Variants in MRE11 observed in about 807,000 individuals in gnomAD.
MRE11 encodes the protein double-strand break repair protein MRE11.
A neutral mutation model predicts 91.7 loss-of-function variants in MRE11; 62 were observed. The ratio of observed to expected loss-of-function variants is 0.68; its 90% CI spans 0.55 to 0.84. The LOEUF is 0.84. MRE11 is among the 40% of genes least tolerant of loss of function. The pLI is 0.00. For synonymous variants in MRE11, 273 were observed against 271.4 expected (o/e 1.01, Z -0.06); for missense variants, 796 against 852.9 (o/e 0.93, Z 0.83).
At chr11:94,466,815 A>C (rs1050389708) in intron 10 of MRE11, among the ~76,000 whole-genome samples, 11 of 152,124 alleles carry the variant, frequency 7.2e-5, no homozygotes, top group African/African-American at 2.7e-4. Flanking sequence ...GGCAACAACA[A>C]CACTGCTGGT....
intron 10 of MRE11, among the ~76,000 whole-genome samples, chr11:94,467,442 G>T (rs35971942): frequency 0.048 from 7,248 of 152,146 alleles, 433 homozygotes; most frequent in African/African-American, 0.14. Context: ...TGATAGGGCT[G>T]CAGTGAGGTG....
chr11:94,509,693 G>A, the MRE11 span, among the ~76,000 whole-genome samples: 2 of 152,164 alleles, frequency 1.3e-5, no homozygotes, highest in African/African-American at 4.8e-5. Context: ...ACTCGCCTCA[G>A]CCTCCCAAAG....
chr11:94,482,389 T>C (rs1947034102), intron 4 of MRE11, among the ~76,000 whole-genome samples: 1 of 152,168 alleles, frequency 6.6e-6, no homozygotes, highest in South Asian at 2.1e-4. Context: ...CTAAACTTTC[T>C]AGCAACTCAC....
At chr11:94,438,903 T>C (rs550486752) in intron 16 of MRE11, among the ~76,000 whole-genome samples, 82 of 152,292 alleles carry the variant, frequency 5.4e-4, no homozygotes, top group Non-Finnish European at 1.0e-3. Flanking sequence ...CATGTAGCTG[T>C]TTGGGTAGCA....
At chr11:94,440,524 G>C (rs1402955123) in intron 16 of MRE11, among the ~76,000 whole-genome samples, 1 of 152,138 alleles carries the variant, frequency 6.6e-6, no homozygotes, top group Non-Finnish European at 1.5e-5. Flanking sequence ...AACTCAGAGA[G>C]GTAAGCAGAG....
chr11:94,463,255 G>A (rs571620420), intron 11 of MRE11, among the ~76,000 whole-genome samples: 53 of 152,268 alleles, frequency 3.5e-4, no homozygotes, highest in African/African-American at 1.1e-3. Flanking sequence ...CAGTTAGAAT[G>A]GCGATCATTA....
intron 2 of MRE11, among the ~76,000 whole-genome samples, chr11:94,491,626 A>T (rs1947286143): frequency 6.6e-6 from 1 of 152,238 alleles, no homozygotes; most frequent in Admixed American, 6.5e-5. Flanking sequence ...ATAAAGAGTC[A>T]GGCATTATTA....
At chr11:94,466,086 A>C (rs928182413) in intron 10 of MRE11, among the ~76,000 whole-genome samples, 3 of 152,144 alleles carry the variant, frequency 2.0e-5, no homozygotes, top group African/African-American at 7.2e-5. Flanking sequence ...TAGAGAAAGG[A>C]GGAGAGAAGT....
rs864622589 is a variant in MRE11, at chr11:94,447,209, C to G, written c.1783+10G>C. ...GTGTGAATGTGCACAGGACTGAACT[C>G]AGTGCTCACCTCTTCCTCTTTGAGA... On this transcript the variant is annotated intron_variant, in intron 15 of 19. Coordinates refer to ENST00000323929, the MANE Select transcript of MRE11 (RefSeq NM_005591.4). 3 of 1,610,562 alleles carry G rather than the reference C, an allele frequency of 1.9e-6. No individual in the cohort carries two copies. Among genetic ancestry groups the G allele is most frequent in the Non-Finnish European group, 2.5e-6 (3 of 1,179,736 alleles).
At chr11:94,422,832 G>A (rs1174137391) in intron 19 of MRE11, among the ~76,000 whole-genome samples, 1 of 152,008 alleles carries the variant, frequency 6.6e-6, no homozygotes, top group Non-Finnish European at 1.5e-5. Context: ...TCCTGCCTCA[G>A]CCTCCTGAGT....
At chr11:94,427,903 C>T (rs1039413309) in intron 19 of MRE11, among the ~76,000 whole-genome samples, 8 of 152,060 alleles carry the variant, frequency 5.3e-5, no homozygotes, top group African/African-American at 1.7e-4. Flanking sequence ...ATAACACAAA[C>T]GCAAAAACAT....
At chr11:94,491,334 G>T (rs894539183) in intron 2 of MRE11, among the ~76,000 whole-genome samples, 1 of 152,076 alleles carries the variant, frequency 6.6e-6, no homozygotes. Flanking sequence ...CAGGAAAATC[G>T]AAGTTAATTT....
intron 10 of MRE11, among the ~76,000 whole-genome samples, chr11:94,466,925 G>T (rs963262444): frequency 2.6e-5 from 4 of 152,134 alleles, no homozygotes; most frequent in Admixed American, 1.3e-4. Context: ...CACTCTATTG[G>T]TGGTCATTAA....
chr11:94,471,413 A>G (rs1175880651), intron 8 of MRE11, among the ~76,000 whole-genome samples, 161 bp downstream of exon 8: 7 of 152,056 alleles, frequency 4.6e-5, no homozygotes, highest in African/African-American at 1.2e-4. Context: ...TGGAAAAACA[A>G]TAAGACTACA....
the MRE11 span, among the ~76,000 whole-genome samples, chr11:94,509,531 C>T: frequency 0.033 from 5,037 of 152,186 alleles, 165 homozygotes; most frequent in African/African-American, 0.076. Context: ...CAACCTCTAC[C>T]TCCCGGGTTC....
chr11:94,464,366 A>G, intron 10 of MRE11, 127 bp from the exon 11 acceptor site: 1 of 1,271,122 alleles, frequency 7.9e-7, no homozygotes, highest in Non-Finnish European at 1.1e-6. Flanking sequence ...TTAATTTTCT[A>G]CAGTAGATCA....
chr11:94,441,599 T>G (rs981435023), intron 16 of MRE11, among the ~76,000 whole-genome samples: 18 of 152,168 alleles, frequency 1.2e-4, no homozygotes, highest in African/African-American at 4.3e-4. Flanking sequence ...GTCCTTACTG[T>G]GTACACACGA....
chr11:94,494,820 T>C (rs13447577), upstream of MRE11, among the ~76,000 whole-genome samples: 2,018 of 152,290 alleles, frequency 0.013, 39 homozygotes, highest in African/African-American at 0.046. Context: ...AGATCTGTGG[T>C]ATAAGGTTAC....
the MRE11 span, among the ~76,000 whole-genome samples, chr11:94,507,317 T>C: frequency 6.6e-6 from 1 of 152,240 alleles, no homozygotes. Context: ...GTTCTTTTTA[T>C]TGATGTATTC....
Sources: allele counts gnomAD v4.1 joint callset (sites outside exome capture counted in the v4.1 genomes callset), GRCh38; gene constraint gnomAD v4.1.1; transcripts MANE v1.5; gene names NCBI Gene and HGNC (gene_info 2026-07-23, HGNC 2026-07-21).